Variants in LMBR1 observed in about 807,000 individuals in gnomAD.
LMBR1 encodes the protein limb region 1 protein homolog.
Under a neutral mutation model 73.9 loss-of-function variants are expected in LMBR1, and 52 were observed. The ratio of observed to expected loss-of-function variants is 0.70; its 90% CI spans 0.56 to 0.89. LMBR1 has a LOEUF of 0.89. Among genes scored for constraint, LMBR1 ranks in the 40% least tolerant of loss-of-function variants. The probability of loss-of-function intolerance (pLI) is 0.00; values close to 1 mark genes in which losing one functional copy is unlikely to be tolerated. For missense variants in LMBR1, 539 were observed against 579.8 expected, an observed-to-expected ratio of 0.93 and a Z score of 0.72; for synonymous variants, 215 against 209.4, an observed-to-expected ratio of 1.03 and a Z score of -0.23.
At chr7:156,768,190 A>T (rs1488447538) in intron 5 of LMBR1, among the ~76,000 whole-genome samples, 1 of 152,118 alleles carries the variant, frequency 6.6e-6, no homozygotes, top group Non-Finnish European at 1.5e-5. Flanking sequence ...GTTCAAGACC[A>T]GCATGGTGAA....
At chr7:156,762,840 A>AGTTTGAGTGTGTGTGT (rs1554505656) in intron 7 of LMBR1, among the ~76,000 whole-genome samples, 1 of 115,672 alleles carries the variant, frequency 8.6e-6, no homozygotes, top group African/African-American at 3.3e-5. Context: ...AAAGTGTGTG[A>AGTTTGAGTGTGTGTGT]GTGTGAGTGT....
At chr7:156,721,181 T>C (rs1814482426) in intron 15 of LMBR1, among the ~76,000 whole-genome samples, 1 of 152,062 alleles carries the variant, frequency 6.6e-6, no homozygotes. Flanking sequence ...TTACAAATTA[T>C]AGAAAGAGCT....
At chr7:156,779,323 C>G (rs1462726876) in intron 5 of LMBR1, among the ~76,000 whole-genome samples, 2 of 152,126 alleles carry the variant, frequency 1.3e-5, no homozygotes, top group Non-Finnish European at 2.9e-5. Context: ...AATAAGCAGT[C>G]AGTATATTAG....
At chr7:156,838,609 A>T (rs1481776938) in intron 1 of LMBR1, among the ~76,000 whole-genome samples, 1 of 152,016 alleles carries the variant, frequency 6.6e-6, no homozygotes, top group East Asian at 1.9e-4. Flanking sequence ...TTCTTGATCC[A>T]CTCATCTGCT....
intron 4 of LMBR1, among the ~76,000 whole-genome samples, chr7:156,803,850 G>A (rs1405825463): frequency 4.0e-5 from 6 of 151,792 alleles, no homozygotes; most frequent in African/African-American, 9.7e-5. Flanking sequence ...GTAGGGACAT[G>A]GATGAAACTG....
chr7:156,781,698 C>T (rs1167410182), intron 5 of LMBR1, among the ~76,000 whole-genome samples: 3 of 151,964 alleles, frequency 2.0e-5, no homozygotes, highest in African/African-American at 7.3e-5. Context: ...GATATACTAC[C>T]CAACTAGAAC....
chr7:156,779,833 C>T (rs1233114616), intron 5 of LMBR1: 3 of 425,444 alleles, frequency 7.1e-6, no homozygotes, highest in Non-Finnish European at 8.6e-6. Context: ...AAATATCAAG[C>T]TATTGTTTTC....
intron 1 of LMBR1, among the ~76,000 whole-genome samples, chr7:156,841,707 G>A (rs780823012): frequency 6.6e-6 from 1 of 152,112 alleles, no homozygotes; most frequent in Admixed American, 6.5e-5. Context: ...GGAGGTCACT[G>A]GTGACCTTGA....
chr7:156,820,639 T>C (rs184594439), intron 4 of LMBR1, among the ~76,000 whole-genome samples: 108 of 152,298 alleles, frequency 7.1e-4, no homozygotes, highest in African/African-American at 2.3e-3. Flanking sequence ...GAAGGATAAA[T>C]TGTTGAATCT....
At chr7:156,868,057 A>T (rs1798722793) in intron 1 of LMBR1, among the ~76,000 whole-genome samples, 1 of 152,210 alleles carries the variant, frequency 6.6e-6, no homozygotes, top group African/African-American at 2.4e-5. Context: ...TAAAAGTTTT[A>T]AAAATGAACC....
intron 4 of LMBR1, among the ~76,000 whole-genome samples, chr7:156,808,574 A>T (rs1832554667): frequency 6.6e-6 from 1 of 152,178 alleles, no homozygotes; most frequent in Admixed American, 6.5e-5. Context: ...TTACATTTAA[A>T]GTGATTATTG....
intron 5 of LMBR1, among the ~76,000 whole-genome samples, chr7:156,788,707 G>A (rs1309387829): frequency 6.6e-6 from 1 of 152,110 alleles, no homozygotes; most frequent in African/African-American, 2.4e-5. Context: ...TTTACAGAAT[G>A]AAACTGCAGA....
chr7:156,720,502 G>A (rs562530806), intron 15 of LMBR1, among the ~76,000 whole-genome samples: 1 of 152,158 alleles, frequency 6.6e-6, no homozygotes, highest in African/African-American at 2.4e-5. Flanking sequence ...GGTATCATGA[G>A]TTGCTCTCTT....
rs557039245 is a variant in LMBR1, at chr7:156,788,649, T to C, written c.423+7740A>G. Among the ~76,000 whole-genome samples the C allele has an allele frequency of 3.9e-5, 6 of 152,084 alleles. No individual in the cohort carries two copies. The South Asian group carries it at 1.2e-3, about 32-fold the overall frequency. On this transcript the variant is annotated intron_variant, in intron 5 of 16. Transcript: ENST00000353442. ...AAGAAAAAAAAAATACTCATAAATA[T>C]ATAATATTGATTTTTATTTAAAAAA...
intron 4 of LMBR1, among the ~76,000 whole-genome samples, chr7:156,824,847 TAA>T (rs756011629): frequency 1.3e-4 from 12 of 89,486 alleles, no homozygotes; most frequent in South Asian, 1.0e-3. Context: ...CCTGTCTCAA[TAA>T]AAAAAAAAAA....
chr7:156,705,065 GACATCCAAAT>G (rs1214248069), intron 15 of LMBR1, among the ~76,000 whole-genome samples: 5 of 152,166 alleles, frequency 3.3e-5, no homozygotes, highest in African/African-American at 1.2e-4. Flanking sequence ...AAGAGATTTA[GACATCCAAAT>G]ACAGGAGGTC....
chr7:156,867,983 A>C (rs766179538), intron 1 of LMBR1, among the ~76,000 whole-genome samples: 1 of 152,182 alleles, frequency 6.6e-6, no homozygotes, highest in Non-Finnish European at 1.5e-5. Context: ...GCCATGGCTC[A>C]TTCCTGTAAT....
At chr7:156,744,756 T>C (rs1424622777) in intron 9 of LMBR1, among the ~76,000 whole-genome samples, 1 of 152,178 alleles carries the variant, frequency 6.6e-6, no homozygotes, top group Non-Finnish European at 1.5e-5. Flanking sequence ...TAAAACAACA[T>C]AAATTTATTG....
intron 8 of LMBR1, among the ~76,000 whole-genome samples, chr7:156,759,263 G>A (rs781045477): frequency 5.9e-5 from 9 of 152,312 alleles, no homozygotes; most frequent in Non-Finnish European, 8.8e-5. Flanking sequence ...CCAAAAGAAA[G>A]GCATTTCAAT....
Sources: gnomAD v4.1 joint callset for allele counts (sites outside exome capture counted in the v4.1 genomes callset) on GRCh38, gnomAD v4.1.1 for gene constraint, MANE v1.5 for transcripts, NCBI Gene and HGNC (gene_info 2026-07-23, HGNC 2026-07-21) for gene names.